Variants in EFNA5 observed in about 807,000 individuals in gnomAD.
EFNA5 encodes the protein ephrin-A5.
In EFNA5, 5 loss-of-function variants were observed where a neutral mutation model predicts 22.9. The observed-to-expected ratio is 0.22, with a 90% CI of 0.11 to 0.46. EFNA5 has a LOEUF of 0.46. Ranked by LOEUF, EFNA5 falls within the 20% of genes least tolerant of loss-of-function variation. The pLI is 0.99. For synonymous variants in EFNA5, 113 were observed against 112.2 expected (o/e 1.01, Z -0.04); for missense variants, 237 against 293.3 (o/e 0.81, Z 1.40).
chr5:107,670,811 C>G lies in EFNA5; in HGVS notation c.-198G>C, dbSNP rs904612312. On this transcript the variant is annotated 5_prime_UTR_variant, in exon 1 of 5. Coordinates refer to ENST00000333274, the MANE Select transcript of EFNA5 (RefSeq NM_001962.3). ...GTAGGAGAGCGAGAAGAAAAGAAGG[C>G]GGTGGGATGGGGGGTGATAAAGACA... 3.0e-6 allele frequency: 2 copies of G among 664,312 alleles called. No homozygotes were observed. The highest frequency in any genetic ancestry group is 5.0e-6 in the Non-Finnish European group (2 of 403,290). The allele number at this position is 664,312 out of a possible 1,614,324, so 41.2% of individuals were successfully genotyped here.
At chr5:107,568,150 G>A (rs1187642306) in intron 1 of EFNA5, among the ~76,000 whole-genome samples, 1 of 152,108 alleles carries the variant, frequency 6.6e-6, no homozygotes, top group Non-Finnish European at 1.5e-5. Context: ...TCCCACCTCA[G>A]CCTCCAAAAG....
intron 1 of EFNA5, among the ~76,000 whole-genome samples, chr5:107,666,275 A>C (rs1169737922): frequency 6.6e-6 from 1 of 152,116 alleles, no homozygotes; most frequent in Non-Finnish European, 1.5e-5. Flanking sequence ...AAATGGAGCA[A>C]CTAAATTTTG....
intron 2 of EFNA5, among the ~76,000 whole-genome samples, chr5:107,390,715 T>G (rs1439475610): frequency 6.6e-6 from 1 of 150,940 alleles, no homozygotes; most frequent in African/African-American, 2.4e-5. Flanking sequence ...ATATATAAAT[T>G]TATATACATA....
At chr5:107,500,851 A>G (rs1747115636) in intron 1 of EFNA5, among the ~76,000 whole-genome samples, 1 of 146,938 alleles carries the variant, frequency 6.8e-6, no homozygotes, top group Non-Finnish European at 1.5e-5. Context: ...TCAAATAGCA[A>G]GTACCTAAAA....
chr5:107,439,026 T>C (rs978432502), intron 1 of EFNA5, among the ~76,000 whole-genome samples: 7 of 152,184 alleles, frequency 4.6e-5, no homozygotes, highest in Non-Finnish European at 5.9e-5. Flanking sequence ...GGATTTTTTT[T>C]CTCTTATTAT....
At chr5:107,574,963 G>A (rs547560623) in intron 1 of EFNA5, among the ~76,000 whole-genome samples, 29 of 152,302 alleles carry the variant, frequency 1.9e-4, no homozygotes, top group Non-Finnish European at 4.0e-4. Flanking sequence ...CAGTGAAGAT[G>A]CTGAAGGACA....
chr5:107,552,719 A>C (rs1207786811), intron 1 of EFNA5, among the ~76,000 whole-genome samples: 2 of 152,236 alleles, frequency 1.3e-5, no homozygotes, highest in African/African-American at 4.8e-5. Flanking sequence ...CATTTTACAA[A>C]GCCAAGGGAA....
intron 1 of EFNA5, among the ~76,000 whole-genome samples, chr5:107,476,997 G>A (rs1202580057): frequency 1.3e-5 from 2 of 152,164 alleles, no homozygotes; most frequent in Non-Finnish European, 2.9e-5. Context: ...CTGATTTAGT[G>A]TCTATTTGCT....
intron 1 of EFNA5, among the ~76,000 whole-genome samples, chr5:107,523,570 A>G (rs1169407029): frequency 1.3e-5 from 2 of 152,236 alleles, no homozygotes; most frequent in East Asian, 3.9e-4. Flanking sequence ...TGGCATAAAG[A>G]GAGTATTATG....
In EFNA5 at chr5:107,670,484, C is replaced by G; in HGVS notation, c.125+5G>C. 1 of 1,560,478 alleles carries G rather than the reference C, an allele frequency of 6.4e-7. No individual in the cohort carries two copies. The highest frequency in any genetic ancestry group is 8.7e-7 in the Non-Finnish European group (1 of 1,151,346). ...GCCCTGGCTCTCCGCCTGTTATCGGCTTACCTGGGGTTGCTGCTGTTCCAG... is the reference window on the plus strand; with the variant it reads ...GCCCTGGCTCTCCGCCTGTTATCGGGTTACCTGGGGTTGCTGCTGTTCCAG... On this transcript the variant is annotated splice_donor_5th_base_variant and intron_variant, in intron 1 of 4. Transcript: ENST00000333274.
At chr5:107,509,082 G>A (rs1400721846) in intron 1 of EFNA5, among the ~76,000 whole-genome samples, 1 of 152,300 alleles carries the variant, frequency 6.6e-6, no homozygotes, top group South Asian at 2.1e-4. Flanking sequence ...TTATAGGATG[G>A]CTTCGCTCTT....
intron 1 of EFNA5, among the ~76,000 whole-genome samples, chr5:107,652,903 A>C (rs1261105892): frequency 6.6e-6 from 1 of 150,820 alleles, no homozygotes; most frequent in Non-Finnish European, 1.5e-5. Context: ...CTAAAAAAAA[A>C]TAGTTTAAAT....
chr5:107,474,600 A>G (rs559257226), intron 1 of EFNA5, among the ~76,000 whole-genome samples: 8 of 152,252 alleles, frequency 5.3e-5, no homozygotes, highest in Admixed American at 2.0e-4. Context: ...TTTAATTGCA[A>G]TTCACCCACC....
chr5:107,521,875 G>A (rs1202186819), intron 1 of EFNA5, among the ~76,000 whole-genome samples: 3 of 152,064 alleles, frequency 2.0e-5, no homozygotes, highest in Non-Finnish European at 4.4e-5. Context: ...GGAGTGGGCA[G>A]TGGCTATTCA....
chr5:107,561,247 G>A (rs895557013), intron 1 of EFNA5, among the ~76,000 whole-genome samples: 5 of 152,150 alleles, frequency 3.3e-5, no homozygotes, highest in African/African-American at 1.2e-4. Flanking sequence ...AGGGTCATTA[G>A]TAAGAAATAG....
At chr5:107,485,471 ATC>A (rs199517168) in intron 1 of EFNA5, among the ~76,000 whole-genome samples, 5 of 151,876 alleles carry the variant, frequency 3.3e-5, no homozygotes, top group Non-Finnish European at 4.4e-5. Flanking sequence ...TACTGAATGA[ATC>A]TCTCTCTCTC....
intron 1 of EFNA5, among the ~76,000 whole-genome samples, chr5:107,614,924 T>G (rs907831654): frequency 6.6e-6 from 1 of 152,208 alleles, no homozygotes; most frequent in Non-Finnish European, 1.5e-5. Context: ...AGCTCAGCTT[T>G]TATTGTCATT....
chr5:107,573,897 A>T (rs912095120), intron 1 of EFNA5, among the ~76,000 whole-genome samples: 1 of 152,214 alleles, frequency 6.6e-6, no homozygotes, highest in African/African-American at 2.4e-5. Flanking sequence ...CCCTGTGTCC[A>T]CAAGAGGCTA....
chr5:107,429,836 T>C (rs536380088), intron 1 of EFNA5, among the ~76,000 whole-genome samples: 200 of 152,222 alleles, frequency 1.3e-3, no homozygotes, highest in African/African-American at 4.4e-3. Context: ...AGTAAGAACA[T>C]ACAACAGAGA....
Sources: gnomAD v4.1 joint callset for allele counts (sites outside exome capture counted in the v4.1 genomes callset) on GRCh38, gnomAD v4.1.1 for gene constraint, MANE v1.5 for transcripts, NCBI Gene and HGNC (gene_info 2026-07-23, HGNC 2026-07-21) for gene names.